Variants in BANP observed in about 807,000 individuals in gnomAD.
The protein encoded by BANP is BTG3 associated nuclear protein, also known as protein BANP.
Under a neutral mutation model 68.1 loss-of-function variants are expected in BANP, and 11 were observed. That is an observed-to-expected ratio of 0.16 (90% CI 0.10 to 0.27). The LOEUF is 0.27. Among genes scored for constraint, BANP ranks in the 10% least tolerant of loss-of-function variants. The pLI is 1.00. For missense variants in BANP, 504 were observed against 722.7 expected (o/e 0.70, Z 3.47); for synonymous variants, 329 against 303.2 (o/e 1.09, Z -0.88).
chr16:88,061,366 T>G (rs1599011612), intron 11 of BANP, among the ~76,000 whole-genome samples: 2 of 152,250 alleles, frequency 1.3e-5, no homozygotes, highest in South Asian at 4.1e-4. Flanking sequence ...AACCCTGAGG[T>G]CTGCAAGAAG....
intron 12 of BANP, among the ~76,000 whole-genome samples, chr16:88,067,298 G>C (rs2152900783): frequency 6.6e-6 from 1 of 152,186 alleles, no homozygotes; most frequent in African/African-American, 2.4e-5. Flanking sequence ...CAGTTGTTTG[G>C]CCTCTCAGCC....
intron 6 of BANP, among the ~76,000 whole-genome samples, chr16:88,006,973 T>C (rs1330146814): frequency 1.4e-5 from 2 of 142,414 alleles, no homozygotes; most frequent in East Asian, 4.0e-4. Flanking sequence ...AAAAAAAAGA[T>C]AGTGATACAG....
At chr16:88,038,364 A>G (rs1412706624) in intron 11 of BANP, among the ~76,000 whole-genome samples, 1 of 152,068 alleles carries the variant, frequency 6.6e-6, no homozygotes, top group Non-Finnish European at 1.5e-5. Context: ...CCTCACCATG[A>G]CAATGCACAG....
intron 1 of BANP, among the ~76,000 whole-genome samples, chr16:87,973,716 G>A (rs546933692): frequency 1.5e-5 from 2 of 136,454 alleles, no homozygotes; most frequent in Non-Finnish European, 1.5e-5. Flanking sequence ...TTGCGCCATT[G>A]CATTCCAGCC....
rs1390098801 is a variant in BANP at position 88,033,100 on chromosome 16, C to G, written c.1064-9C>G. 6.3e-7 allele frequency: 1 copy of G among 1,593,554 alleles called. No individual in the cohort carries two copies. The highest frequency in any genetic ancestry group is 1.1e-5 in the South Asian group (1 of 89,388). ...TCGTTCACCCCGTTCACACCTGTTG[C>G]CCCCACAGAGCCGATGATGAGCACC... On this transcript the variant is annotated splice_polypyrimidine_tract_variant and intron_variant, in intron 8 of 13. Coordinates refer to ENST00000682872, the MANE Select transcript of BANP (RefSeq NM_001386991.1).
In BANP at chr16:88,018,342, A is replaced by C; in HGVS notation, c.656-86A>C. ...AGCCCTGCGTGGAGCATCTTTCCCG[A>C]CTGTGCCTGAGCAGAGCGCTCTGCT... On this transcript the variant is annotated intron_variant, in intron 6 of 13. Transcript: ENST00000682872. The surrounding 1 kb of genome is among the most constrained non-coding windows in gnomAD (Gnocchi z 7.7). 1.3e-6 allele frequency: 2 copies of C among 1,499,652 alleles called. No individual in the cohort carries two copies. Among genetic ancestry groups the C allele is most frequent in the Non-Finnish European group, 1.8e-6 (2 of 1,110,162 alleles). The allele number at this position is 1,499,652 out of a possible 1,614,324, so 92.9% of individuals were successfully genotyped here. A position where few individuals can be genotyped will look rare whatever the true frequency, so the allele number is the denominator to read the frequency against.
chr16:88,055,866 T>C (rs8061761), intron 11 of BANP, among the ~76,000 whole-genome samples: 120,534 of 152,128 alleles, frequency 0.79, 48,266 homozygotes, highest in African/African-American at 0.87. Flanking sequence ...CTCAGTGGTT[T>C]AGGGAATTAA....
At chr16:87,988,502 T>C (rs11643407) in intron 4 of BANP, among the ~76,000 whole-genome samples, 1 of 151,842 alleles carries the variant, frequency 6.6e-6, no homozygotes, top group East Asian at 1.9e-4. Flanking sequence ...CCTGACCTCA[T>C]GATCCACCCG....
chr16:88,063,169 G>A (rs568489881), intron 11 of BANP, among the ~76,000 whole-genome samples: 3 of 152,256 alleles, frequency 2.0e-5, no homozygotes, highest in African/African-American at 7.2e-5. Context: ...CTCAGAGCAC[G>A]CTGTGCCTTC....
At chr16:88,034,251 C>G (rs2078824767) in intron 9 of BANP, among the ~76,000 whole-genome samples, 1 of 152,186 alleles carries the variant, frequency 6.6e-6, no homozygotes, top group Non-Finnish European at 1.5e-5. Flanking sequence ...GTTTGACATT[C>G]ACAACGGCAG....
At chr16:88,017,210 C>T (rs1039727343) in intron 6 of BANP, 4 of 152,268 alleles carry the variant, frequency 2.6e-5, no homozygotes, top group Non-Finnish European at 2.9e-5. Flanking sequence ...GGTGGCATGA[C>T]TGTAGCCAGC....
intron 4 of BANP, among the ~76,000 whole-genome samples, chr16:87,989,610 C>T (rs1378103340): frequency 1.4e-5 from 2 of 141,374 alleles, no homozygotes; most frequent in Non-Finnish European, 3.1e-5. Flanking sequence ...GATGCAGGCC[C>T]GCGTGGCTGC....
intron 8 of BANP, among the ~76,000 whole-genome samples, chr16:88,029,711 G>A (rs1426214129): frequency 6.6e-6 from 1 of 152,124 alleles, no homozygotes; most frequent in Non-Finnish European, 1.5e-5. Context: ...CAAAATTTGT[G>A]TCTGTGAATC....
chr16:88,046,153 T>A (rs2152804740), intron 11 of BANP, among the ~76,000 whole-genome samples: 1 of 152,346 alleles, frequency 6.6e-6, no homozygotes, highest in South Asian at 2.1e-4. Flanking sequence ...CTCATTTGAG[T>A]GACGTCACTG....
intron 13 of BANP, among the ~76,000 whole-genome samples, chr16:88,075,327 C>T (rs928318632): frequency 6.6e-6 from 1 of 152,160 alleles, no homozygotes; most frequent in East Asian, 1.9e-4. Flanking sequence ...GCCTAGGTGA[C>T]AGAGTGAGAC....
rs775227523 is a variant in BANP, at chr16:88,006,152, A to G, written c.542A>G (p.His181Arg). The G allele has an allele frequency of 6.2e-7, 1 of 1,614,034 alleles. No individual in the cohort carries two copies. The highest frequency in any genetic ancestry group is 8.5e-7 in the Non-Finnish European group (1 of 1,179,952). ...VVKVPGQEDSHHEDGESGSEA... is the reference protein window; with the variant it reads ...VVKVPGQEDSRHEDGESGSEA... ...AAGGTGCCGGGCCAAGAAGACAGCC[A>G]CCACGAGGACGGGGAGAGCGGCTCG... is the stretch of plus-strand genomic sequence containing the variant. The change falls in exon 6 of 14, where the codon CAC becomes CGC. Residue 181 changes from histidine to arginine, a missense_variant. Physicochemically the swap from His to Arg is conservative, Grantham distance 29. This residue lies in a region of BANP where 238 missense variants were observed against 278.9 expected (regional missense o/e 0.85). Transcript: ENST00000682872.
intron 11 of BANP, among the ~76,000 whole-genome samples, chr16:88,054,778 T>C (rs1159402544): frequency 1.3e-5 from 2 of 152,232 alleles, no homozygotes; most frequent in Middle Eastern, 3.2e-3. Flanking sequence ...GTCCTTACTA[T>C]GTAGGCCTTG....
Position 87,964,265 on chromosome 16 carries a change from C to T in BANP, c.-68-10783C>T, listed in dbSNP as rs940731953. Among the ~76,000 whole-genome samples the T allele has an allele frequency of 9.8e-5, 15 of 152,366 alleles. No homozygotes were observed. The East Asian group carries it at 1.7e-3, about 18-fold the overall frequency. ...TCATCACAGACGTATTCACTGGATG[C>T]GGTGCGGGCCAGGCCCGGTGCCCTG... On this transcript the variant is annotated intron_variant, in intron 1 of 13. Transcript: ENST00000682872.
intron 13 of BANP, 54 bp from the exon 14 acceptor site, chr16:88,076,536 G>A: frequency 6.7e-7 from 1 of 1,501,770 alleles, no homozygotes; most frequent in Non-Finnish European, 9.2e-7. Context: ...ACACCCCCTG[G>A]CCATGCAGTG....
Sources: allele counts gnomAD v4.1 joint callset (sites outside exome capture counted in the v4.1 genomes callset), GRCh38; gene constraint gnomAD v4.1.1; regional missense constraint gnomAD v4.1.1; non-coding constraint Gnocchi (gnomAD v3.1); transcripts MANE v1.5; gene names NCBI Gene and HGNC (gene_info 2026-07-23, HGNC 2026-07-21).